The following ABCC9 variants were observed in gnomAD, a reference collection of about 807,000 sequenced individuals.
The protein encoded by ABCC9 is ATP-binding cassette sub-family C member 9.
Under a neutral mutation model 188.3 loss-of-function variants are expected in ABCC9, and 95 were observed. The observed-to-expected ratio is 0.50, with a 90% confidence interval of 0.43 to 0.60. The LOEUF (loss-of-function observed/expected upper bound fraction) is 0.60, where lower values mean the gene tolerates loss of function less well. ABCC9 is among the 20% of genes least tolerant of loss of function. The pLI is 0.00. For missense variants in ABCC9, 1,102 were observed against 1,876.3 expected (o/e 0.59, Z 7.62); for synonymous variants, 659 against 652.7 (o/e 1.01, Z -0.15).
intron 7 of ABCC9, among the ~76,000 whole-genome samples, 154 bp downstream of exon 7, chr12:21,915,514 A>ATATATATATATATATATTTTTTTTTTT: frequency 5.7e-4 from 2 of 3,520 alleles, no homozygotes; most frequent in Non-Finnish European, 9.3e-4. Context: ...ATATATATAT[A>ATATATATATATATATATTTTTTTTTTT]TTTTTTTTTT....
intron 17 of ABCC9, among the ~76,000 whole-genome samples, chr12:21,873,256 G>A (rs1423868841): frequency 1.3e-5 from 2 of 151,800 alleles, no homozygotes; most frequent in Non-Finnish European, 2.9e-5. Context: ...AAAATTACTG[G>A]GTTTATTCCT....
At chr12:21,911,785 A>G (rs530147160) in intron 8 of ABCC9, among the ~76,000 whole-genome samples, 2 of 152,142 alleles carry the variant, frequency 1.3e-5, no homozygotes, top group East Asian at 3.9e-4. Flanking sequence ...AATATATGCA[A>G]GGGAGAAGGA....
rs370262042 is a variant in ABCC9 at position 21,875,741 on chromosome 12, T to G, written c.2020-15A>C. The G allele has an allele frequency of 8.8e-6, 14 of 1,583,386 alleles. No homozygotes were observed. The African/African-American group carries it at 1.5e-4, about 17-fold the overall frequency. On this transcript the variant is annotated splice_polypyrimidine_tract_variant and intron_variant, in intron 16 of 39. Transcript: ENST00000261200. ...CCATTTGTGACCTACAAAATAAAAA[T>G]ACAGAAATTAAATTATATGTGTGGT... is the stretch of plus-strand genomic sequence containing the variant.
intron 16 of ABCC9, among the ~76,000 whole-genome samples, chr12:21,877,589 G>T (rs1327419839): frequency 6.6e-6 from 1 of 152,094 alleles, no homozygotes; most frequent in East Asian, 1.9e-4. Flanking sequence ...GCTAAAAGAG[G>T]CACAAAAATA....
chr12:21,890,834 G>T (rs1195168264), intron 14 of ABCC9, among the ~76,000 whole-genome samples: 1 of 151,774 alleles, frequency 6.6e-6, no homozygotes, highest in Non-Finnish European at 1.5e-5. Flanking sequence ...GTGGGGGGAT[G>T]GGGGAGGGAT....
chr12:21,904,854 T>C (rs1947953720), intron 12 of ABCC9, among the ~76,000 whole-genome samples: 1 of 152,178 alleles, frequency 6.6e-6, no homozygotes. Flanking sequence ...GTTCAACCAT[T>C]GTGGAAGACA....
intron 37 of ABCC9, among the ~76,000 whole-genome samples, chr12:21,808,218 G>C (rs1045452439): frequency 2.0e-5 from 3 of 151,980 alleles, no homozygotes; most frequent in Non-Finnish European, 2.9e-5. Flanking sequence ...AATTTGTCAT[G>C]ATGGGAAAAT....
chr12:21,894,272 T>C, intron 13 of ABCC9, 98 bp from the exon 14 acceptor site: 2 of 1,339,242 alleles, frequency 1.5e-6, no homozygotes, highest in Non-Finnish European at 1.1e-6. Flanking sequence ...TATGCCAGTA[T>C]GTCCATTGTA....
rs374453003 is a variant in ABCC9, at chr12:21,906,084, T to C, written c.1618+42A>G. On this transcript the variant is annotated intron_variant, in intron 12 of 39. Coordinates refer to ENST00000261200, the MANE Select transcript of ABCC9 (RefSeq NM_020297.4). ...CTGAATAGACTGTTGGTTATTCTGG[T>C]TGCCCTTAAAGTCGCCTGTTCTTAG... The C allele has an allele frequency of 1.9e-6, 3 of 1,589,866 alleles. No homozygotes were observed. The South Asian group carries it at 3.3e-5, about 18-fold the overall frequency.
intron 25 of ABCC9, 96 bp from the exon 26 acceptor site, chr12:21,845,928 A>G: frequency 1.1e-6 from 1 of 944,730 alleles, no homozygotes; most frequent in East Asian, 2.6e-5. Flanking sequence ...TCATACATTT[A>G]TAAAAATGTA....
intron 14 of ABCC9, among the ~76,000 whole-genome samples, chr12:21,892,156 G>A (rs2137724068): frequency 6.6e-6 from 1 of 152,282 alleles, no homozygotes; most frequent in East Asian, 1.9e-4. Flanking sequence ...TGTGCAGAAG[G>A]GAGAGTGCTG....
At chr12:21,935,620 T>C (rs904053583) in intron 3 of ABCC9, among the ~76,000 whole-genome samples, 1 of 152,120 alleles carries the variant, frequency 6.6e-6, no homozygotes, top group Non-Finnish European at 1.5e-5. Flanking sequence ...ATGAAAAAAT[T>C]GAACACAATC....
chr12:21,907,335 C>A (rs1948092548), intron 11 of ABCC9, among the ~76,000 whole-genome samples: 1 of 152,018 alleles, frequency 6.6e-6, no homozygotes, highest in Non-Finnish European at 1.5e-5. Context: ...GCGTGACATG[C>A]AACTCGCTTG....
At chr12:21,851,640 T>C (rs1253465636) in intron 24 of ABCC9, among the ~76,000 whole-genome samples, 1 of 152,174 alleles carries the variant, frequency 6.6e-6, no homozygotes, top group East Asian at 1.9e-4. Context: ...AGATATGCCT[T>C]ACAACTTTGC....
At chr12:21,893,825 G>C (rs1194822350) in intron 14 of ABCC9, among the ~76,000 whole-genome samples, 2 of 152,084 alleles carry the variant, frequency 1.3e-5, no homozygotes, top group African/African-American at 4.8e-5. Context: ...GGAGAAAAAT[G>C]CTAGATAAAT....
At position 21,838,088 on chromosome 12, in the gene ABCC9, G is replaced by A. The variant is rs886049169; in HGVS notation, c.3556C>T (p.Arg1186Trp). 8 of 1,613,556 alleles carry A rather than the reference G, an allele frequency of 5.0e-6. No homozygotes were observed. Among genetic ancestry groups the A allele is most frequent in the East Asian group, 2.2e-5 (1 of 44,886 alleles). The change falls in exon 30 of 40, where the codon CGG (arginine) becomes TGG (tryptophan). Residue 1186 changes from arginine (R) to tryptophan (W), a missense_variant. Physicochemically the swap from Arg to Trp is moderately radical, Grantham distance 101. This residue lies in a region of ABCC9 where 143 missense variants were observed against 225.6 expected (regional missense o/e 0.63). Transcript: ENST00000261200. Reference sequence around the variant, plus strand: ...AATGTGTTTACTCACCTAAAGGCCCGAATGGTGGTGAGTCCTTCTGCTGTT... The same window carrying A: ...AATGTGTTTACTCACCTAAAGGCCCAAATGGTGGTGAGTCCTTCTGCTGTT... Reference protein sequence around the residue: ...SETAEGLTTIRAFRHETRFKQ... With the variant: ...SETAEGLTTIWAFRHETRFKQ...
At chr12:21,939,004 C>T (rs937562276) in intron 2 of ABCC9, among the ~76,000 whole-genome samples, 3 of 152,148 alleles carry the variant, frequency 2.0e-5, no homozygotes, top group Non-Finnish European at 2.9e-5. Flanking sequence ...CAATGGTGCA[C>T]GTCAGAAACA....
chr12:21,936,406 G>A lies in ABCC9; in HGVS notation c.142+127C>T, dbSNP rs1565501691. 6.1e-6 allele frequency: 5 copies of A among 825,840 alleles called. No homozygotes were observed. In the East Asian group the frequency reaches 1.3e-4, roughly 22 times the overall value. The allele number at this position is 825,840 out of a possible 1,614,324, so 51.2% of individuals were successfully genotyped here. On this transcript the variant is annotated intron_variant, in intron 3 of 39. Transcript: ENST00000261200. Reference sequence around the variant, plus strand: ...TATGTTTGAAAAACACAAAATACTTGCTTGTTCGTTTCTCACAGCCATCAG... The same window carrying A: ...TATGTTTGAAAAACACAAAATACTTACTTGTTCGTTTCTCACAGCCATCAG...
At chr12:21,867,621 A>G (rs1417030790) in intron 18 of ABCC9, among the ~76,000 whole-genome samples, 2 of 152,144 alleles carry the variant, frequency 1.3e-5, no homozygotes, top group Non-Finnish European at 2.9e-5. Flanking sequence ...GATATATTAC[A>G]TCTGACCCAG....
Sources: allele counts gnomAD v4.1 joint callset (sites outside exome capture counted in the v4.1 genomes callset), GRCh38; gene constraint gnomAD v4.1.1; regional missense constraint gnomAD v4.1.1; transcripts MANE v1.5; gene names NCBI Gene and HGNC (gene_info 2026-07-23, HGNC 2026-07-21).